RBM6: variants seen among roughly 807,000 people sequenced by gnomAD.
The protein encoded by RBM6 is RNA-binding protein 6.
A neutral mutation model predicts 140.4 loss-of-function variants in RBM6; 23 were observed. That is an observed-to-expected ratio of 0.16 (90% CI 0.12 to 0.23). The LOEUF is 0.23. Among genes scored for constraint, RBM6 ranks in the 10% least tolerant of loss-of-function variants. The pLI is 1.00. For synonymous variants in RBM6, 439 were observed against 475.6 expected (o/e 0.92, Z 1.00); for missense variants, 1,139 against 1,386.7 (o/e 0.82, Z 2.84).
chr3:49,959,347 C>G (rs1455959517), intron 1 of RBM6, among the ~76,000 whole-genome samples: 1 of 149,322 alleles, frequency 6.7e-6, no homozygotes, highest in Non-Finnish European at 1.5e-5. Context: ...CGCCACCACG[C>G]CTGGCTAATT....
At chr3:50,006,570 C>G (rs2108754784) in intron 6 of RBM6, among the ~76,000 whole-genome samples, 1 of 152,284 alleles carries the variant, frequency 6.6e-6, no homozygotes, top group Admixed American at 6.5e-5. Context: ...GGCTTAACCT[C>G]TCTGTGTTTT....
chr3:49,954,826 T>C (rs1045440778), intron 1 of RBM6, among the ~76,000 whole-genome samples: 5 of 151,752 alleles, frequency 3.3e-5, no homozygotes, highest in Non-Finnish European at 7.4e-5. Flanking sequence ...TGGCGCGATC[T>C]CAGCCCACTG....
intron 5 of RBM6, among the ~76,000 whole-genome samples, chr3:49,988,524 A>G (rs1348225210): frequency 1.3e-5 from 2 of 152,002 alleles, no homozygotes; most frequent in African/African-American, 4.8e-5. Flanking sequence ...GACTTGATCT[A>G]TATATTTTAT....
At chr3:49,999,853 A>T (rs1358892603) in intron 6 of RBM6, among the ~76,000 whole-genome samples, 2 of 151,854 alleles carry the variant, frequency 1.3e-5, no homozygotes, top group Admixed American at 6.6e-5. Context: ...ATGATCCTTG[A>T]TTGTCTGTGA....
chr3:49,952,038 T>A (rs1457193000), intron 1 of RBM6, among the ~76,000 whole-genome samples: 1 of 148,480 alleles, frequency 6.7e-6, no homozygotes, highest in Non-Finnish European at 1.5e-5. Flanking sequence ...TATTATTATT[T>A]TTATTTTTTT....
intron 1 of RBM6, chr3:49,940,919 G>A (rs959161561): frequency 6.9e-6 from 1 of 144,120 alleles, no homozygotes; most frequent in Non-Finnish European, 1.5e-5. Context: ...TTGAAGGAAG[G>A]GCCCTGTTTC....
intron 1 of RBM6, among the ~76,000 whole-genome samples, chr3:49,959,627 G>C (rs2084189118): frequency 6.9e-6 from 1 of 144,726 alleles, no homozygotes; most frequent in African/African-American, 2.6e-5. Context: ...CTGGAGTGCA[G>C]TGGTGTGACC....
At chr3:50,018,140 AG>A (rs1216430314) in intron 6 of RBM6, among the ~76,000 whole-genome samples, 1 of 152,208 alleles carries the variant, frequency 6.6e-6, no homozygotes, top group Non-Finnish European at 1.5e-5. Flanking sequence ...CATACAGAAT[AG>A]TTTCATTGCC....
Position 49,962,621 on chromosome 3 carries a change from G to T in RBM6, c.-21G>T, listed in dbSNP as rs954717059. On this transcript the variant is annotated 5_prime_UTR_variant, in exon 2 of 21. Transcript: ENST00000266022. ...TGGTAGAAAAAGGATTTACTTGTTG[G>T]GGCCCTCTTGATAAAAAGAGATGTG... 1 of 1,587,078 alleles carries T rather than the reference G, an allele frequency of 6.3e-7. No individual in the cohort carries two copies. Among genetic ancestry groups the T allele is most frequent in the Non-Finnish European group, 8.5e-7 (1 of 1,171,094 alleles).
intron 5 of RBM6, among the ~76,000 whole-genome samples, chr3:49,993,201 A>G (rs1242921023): frequency 6.6e-6 from 1 of 152,174 alleles, no homozygotes; most frequent in Non-Finnish European, 1.5e-5. Context: ...GTGTTTCCTA[A>G]CAAATGTTAT....
At chr3:49,968,777 T>TC (rs1413827307) in intron 3 of RBM6, 29 bp downstream of exon 3, 27 of 883,812 alleles carry the variant, frequency 3.1e-5, no homozygotes, top group Non-Finnish European at 4.2e-5. Flanking sequence ...TTGCTTTTTT[T>TC]TTTTTTTTTT....
intron 1 of RBM6, among the ~76,000 whole-genome samples, chr3:49,957,507 T>C (rs1265298230): frequency 2.0e-5 from 3 of 152,120 alleles, no homozygotes; most frequent in African/African-American, 2.4e-5. Context: ...TATTTTCTTA[T>C]GTGTATATTC....
chr3:49,961,112 C>G (rs1241206045), intron 1 of RBM6, among the ~76,000 whole-genome samples: 3 of 152,028 alleles, frequency 2.0e-5, no homozygotes, highest in African/African-American at 7.2e-5. Context: ...GAGTCTCGCT[C>G]TGTCACCCAG....
chr3:50,004,837 C>T (rs752397896), intron 6 of RBM6, among the ~76,000 whole-genome samples: 1 of 152,078 alleles, frequency 6.6e-6, no homozygotes, highest in African/African-American at 2.4e-5. Context: ...CTGTGTTGCT[C>T]AGGCTGCTCT....
chr3:50,000,323 A>G (rs924920653), intron 6 of RBM6, among the ~76,000 whole-genome samples: 2 of 144,242 alleles, frequency 1.4e-5, no homozygotes, highest in Non-Finnish European at 3.0e-5. Context: ...ACTTAGGAAT[A>G]TAGTTTGATG....
chr3:49,991,726 C>T (rs1334757445), intron 5 of RBM6, among the ~76,000 whole-genome samples: 1 of 152,126 alleles, frequency 6.6e-6, no homozygotes, highest in Non-Finnish European at 1.5e-5. Context: ...TTTAACCCAT[C>T]TCTGCTGTAT....
At chr3:50,058,095 G>A in intron 9 of RBM6, 92 bp downstream of exon 9, 1 of 1,449,442 alleles carries the variant, frequency 6.9e-7, no homozygotes, top group South Asian at 1.3e-5. Flanking sequence ...CTGCTTTCCA[G>A]TACCCTGAGA....
chr3:50,062,726 C>G (rs1222592071), intron 15 of RBM6, among the ~76,000 whole-genome samples: 1 of 152,042 alleles, frequency 6.6e-6, no homozygotes, highest in Non-Finnish European at 1.5e-5. Context: ...GTAATTATAG[C>G]AGGAGATACT....
chr3:50,039,928 T>G (rs960368378), intron 6 of RBM6, among the ~76,000 whole-genome samples: 15 of 152,172 alleles, frequency 9.9e-5, no homozygotes, highest in African/African-American at 3.4e-4. Context: ...AATGGAACCT[T>G]AGAATAGGAG....
Sources: gnomAD v4.1 joint callset for allele counts (sites outside exome capture counted in the v4.1 genomes callset) on GRCh38, gnomAD v4.1.1 for gene constraint, MANE v1.5 for transcripts, NCBI Gene and HGNC (gene_info 2026-07-23, HGNC 2026-07-21) for gene names.